The following DPYSL2 variants were observed in gnomAD, a reference collection of about 807,000 sequenced individuals.
The protein encoded by DPYSL2 is dihydropyrimidinase-related protein 2.
Under a neutral mutation model 69.9 loss-of-function variants are expected in DPYSL2, and 13 were observed. The ratio of observed to expected loss-of-function variants is 0.19; its 90% CI spans 0.12 to 0.30. The LOEUF (loss-of-function observed/expected upper bound fraction) is 0.30. Ranked by LOEUF, DPYSL2 falls within the 10% of genes least tolerant of loss-of-function variation. DPYSL2 has a pLI of 1.00. For synonymous variants in DPYSL2, 326 were observed against 359.1 expected (o/e 0.91, Z 1.04); for missense variants, 587 against 918.9 (o/e 0.64, Z 4.67).
chr8:26,626,777 G>GGAAA lies in DPYSL2; in HGVS notation c.855+99_855+100insGAAA. 7.8e-7 allele frequency: 1 copy of GGAAA among 1,289,172 alleles called. No individual in the cohort carries two copies. The highest frequency in any genetic ancestry group is 1.1e-6 in the Non-Finnish European group (1 of 906,356). The allele number at this position is 1,289,172 out of a possible 1,614,324, so 79.9% of individuals were successfully genotyped here. A position where few individuals can be genotyped will look rare whatever the true frequency, so the allele number is the denominator to read the frequency against. On this transcript the variant is annotated intron_variant, in intron 5 of 13. Coordinates refer to ENST00000521913, the MANE Select transcript of DPYSL2 (RefSeq NM_001197293.3). The surrounding 1 kb of genome is among the most constrained non-coding windows in gnomAD (Gnocchi z 4.3). ...GTCTCCGATGTATGCATGTTTCCTA[G>GGAAA]CTTCCTGGGAAGTGGCTGGTGGATG... is the stretch of plus-strand genomic sequence containing the variant.
At chr8:26,612,358 T>C (rs1457470531) in intron 3 of DPYSL2, among the ~76,000 whole-genome samples, 2 of 152,118 alleles carry the variant, frequency 1.3e-5, no homozygotes, top group African/African-American at 4.8e-5. Context: ...CCGTTTAAAA[T>C]AGGGGGAAAG....
chr8:26,625,211 G>T (rs1802587687), intron 4 of DPYSL2, among the ~76,000 whole-genome samples: 2 of 152,142 alleles, frequency 1.3e-5, no homozygotes, highest in Non-Finnish European at 2.9e-5. Context: ...AAATTTTATG[G>T]GTCTCAGTTT....
At chr8:26,625,296 TAAAAGAAA>T (rs1362267567) in intron 4 of DPYSL2, among the ~76,000 whole-genome samples, 1 of 152,218 alleles carries the variant, frequency 6.6e-6, no homozygotes. Context: ...AGCTTCCACA[TAAAAGAAA>T]ATAGGTAAAC....
chr8:26,514,818 C>A lies in DPYSL2; in HGVS notation c.354+139C>A, dbSNP rs1808248612. 1 of 792,614 alleles carries A rather than the reference C, an allele frequency of 1.3e-6. No individual in the cohort carries two copies. Among genetic ancestry groups the A allele is most frequent in the South Asian group, 2.5e-5 (1 of 40,658 alleles). The allele number at this position is 792,614 out of a possible 1,614,324, so 49.1% of individuals were successfully genotyped here. On this transcript the variant is annotated intron_variant, in intron 1 of 13. Coordinates refer to ENST00000521913, the MANE Select transcript of DPYSL2 (RefSeq NM_001197293.3). The surrounding 1 kb of genome is among the most constrained non-coding windows in gnomAD (Gnocchi z 8.4). Reference sequence around the variant, plus strand: ...CATCTGCACGCGCACCCCGCCCTACCCGCCCCTTCTCCGCGCAGGGTGCGG... The same window carrying A: ...CATCTGCACGCGCACCCCGCCCTACACGCCCCTTCTCCGCGCAGGGTGCGG...
Position 26,597,411 on chromosome 8 carries a change from T to C in DPYSL2, c.628+13428T>C, listed in dbSNP as rs529955429. Among the ~76,000 whole-genome samples, 1 of 152,322 alleles carries C rather than the reference T, an allele frequency of 6.6e-6. No homozygotes were observed. Among genetic ancestry groups the C allele is most frequent in the East Asian group, 1.9e-4 (1 of 5,188 alleles). On this transcript the variant is annotated intron_variant, in intron 3 of 13. Transcript: ENST00000521913. The surrounding 1 kb of genome is among the most constrained non-coding windows in gnomAD (Gnocchi z 5.2). Reference sequence around the variant, plus strand: ...CGCTTTGGCGTGGGCTTTTATGAGGTTCATTAGGCTCAGCACCTCCCATGT... The same window carrying C: ...CGCTTTGGCGTGGGCTTTTATGAGGCTCATTAGGCTCAGCACCTCCCATGT...
chr8:26,652,299 T>A lies in DPYSL2; in HGVS notation c.1639T>A (p.Ser547Thr). Reference protein sequence around the residue: ...NIFEGMECRGSPLVVISQGKI... With the variant: ...NIFEGMECRGTPLVVISQGKI... ...CTTTGAAGGCATGGAGTGCCGCGGCTCCCCACTGGTGGTCATCAGCCAGGG... is the reference window on the plus strand; with the variant it reads ...CTTTGAAGGCATGGAGTGCCGCGGCACCCCACTGGTGGTCATCAGCCAGGG... The change falls in exon 12 of 14, where the codon TCC (serine) becomes ACC (threonine). Residue 547 changes from serine to threonine, a missense_variant. Around this residue, in one of 3 missense-constraint regions of DPYSL2, gnomAD observed 452 missense variants for 754.3 expected, o/e 0.60. Transcript: ENST00000521913. The surrounding 1 kb of genome is among the most constrained non-coding windows in gnomAD (Gnocchi z 6.3). 2 of 1,614,096 alleles carry A rather than the reference T, an allele frequency of 1.2e-6. No individual in the cohort carries two copies. The highest frequency in any genetic ancestry group is 1.7e-6 in the Non-Finnish European group (2 of 1,180,008).
chr8:26,634,947 A>AG, intron 8 of DPYSL2, 47 bp downstream of exon 8: 1 of 1,608,102 alleles, frequency 6.2e-7, no homozygotes, highest in Non-Finnish European at 8.5e-7. Context: ...GGAGGTTTGG[A>AG]GGGGAGGGGG....
Position 26,560,751 on chromosome 8 carries a change from T to C in DPYSL2, c.355-21218T>C, listed in dbSNP as rs1322660239. On this transcript the variant is annotated intron_variant, in intron 1 of 13. Transcript: ENST00000521913. The surrounding 1 kb of genome is among the most constrained non-coding windows in gnomAD (Gnocchi z 4.4). ...TCACTAACATCCTCTGTCTTTGCAA[T>C]ATGTATAATTTTATCCTTTTAGTAA... Among the ~76,000 whole-genome samples, 1 of 152,252 alleles carries C rather than the reference T, an allele frequency of 6.6e-6. No homozygotes were observed. The highest frequency in any genetic ancestry group is 1.5e-5 in the Non-Finnish European group (1 of 68,044).
intron 3 of DPYSL2, among the ~76,000 whole-genome samples, chr8:26,595,083 C>T (rs60293234): frequency 0.014 from 2,180 of 151,974 alleles, 54 homozygotes; most frequent in African/African-American, 0.049. Flanking sequence ...ATTAGCTGGG[C>T]GTGGTGACAC....
intron 3 of DPYSL2, among the ~76,000 whole-genome samples, chr8:26,618,885 G>A (rs1035651640): frequency 6.6e-5 from 10 of 152,052 alleles, no homozygotes; most frequent in Non-Finnish European, 1.3e-4. Context: ...TCGAACCCAG[G>A]AGGCGGAGGT....
rs544844142 is a variant in DPYSL2, at chr8:26,626,547, C to T, written c.794-70C>T. The stretch of plus-strand genomic sequence containing the variant: ...CGTACACACACAGACAGTATTATCA[C>T]TTTCTTATCCCTTATTTGGTTATTT... On this transcript the variant is annotated intron_variant, in intron 4 of 13. Coordinates refer to ENST00000521913, the MANE Select transcript of DPYSL2 (RefSeq NM_001197293.3). The surrounding 1 kb of genome is among the most constrained non-coding windows in gnomAD (Gnocchi z 4.3). The T allele has an allele frequency of 4.2e-5, 59 of 1,403,810 alleles. No homozygotes were observed. The highest frequency in any genetic ancestry group is 5.3e-5 in the Non-Finnish European group (53 of 993,062). The allele number at this position is 1,403,810 out of a possible 1,614,324, so 87.0% of individuals were successfully genotyped here.
In DPYSL2 at chr8:26,647,263, G is replaced by GGT. The variant is rs765866946; in HGVS notation, c.1426-366_1426-365dup. On this transcript the variant is annotated intron_variant, in intron 10 of 13. Transcript: ENST00000521913. The surrounding 1 kb of genome is among the most constrained non-coding windows in gnomAD (Gnocchi z 5.1). ...GACACTGACAGTGTCACAATGTGTG[G>GGT]GTATAGCTCTAGGCTGTGTGGCCAC... Among the ~76,000 whole-genome samples, 9 of 152,128 alleles carry GGT rather than the reference G, an allele frequency of 5.9e-5. No homozygotes were observed. Among genetic ancestry groups the GGT allele is most frequent in the Non-Finnish European group, 8.8e-5 (6 of 68,024 alleles).
Position 26,583,857 on chromosome 8 carries a change from C to A in DPYSL2, c.502C>A (p.Arg168=). The change falls in exon 3 of 14, where the codon CGG becomes AGG. Residue 168 remains arginine, a synonymous_variant. Transcript: ENST00000521913. ...AGTGAAGACCATCGAGGCCCACTCC[C>A]GGATGGTGATCCCCGGAGGAATTGA... ...GGVKTIEAHS[R]MVIPGGIDVH... is the part of the protein sequence containing the mutation. The A allele has an allele frequency of 6.2e-7, 1 of 1,614,130 alleles. No individual in the cohort carries two copies. Among genetic ancestry groups the A allele is most frequent in the Non-Finnish European group, 8.5e-7 (1 of 1,179,998 alleles).
At chr8:26,629,783 C>T (rs748155398) in intron 7 of DPYSL2, among the ~76,000 whole-genome samples, 5 of 152,128 alleles carry the variant, frequency 3.3e-5, no homozygotes, top group African/African-American at 4.8e-5. Context: ...TTCTGGAGAA[C>T]GGGGTCTCAC....
Position 26,580,060 on chromosome 8 carries a change from C to T in DPYSL2, c.355-1909C>T, listed in dbSNP as rs776492002. On this transcript the variant is annotated intron_variant, in intron 1 of 13. Coordinates refer to ENST00000521913, the MANE Select transcript of DPYSL2 (RefSeq NM_001197293.3). This position sits in a 1 kb window ranked among gnomAD's most constrained non-coding sequence, Gnocchi z 4.1. ...TGGCAGCCTCTTATGTAAGAGCCTTCTGGAAGGCACTAGAGTGAACGGGGG... is the reference window on the plus strand; with the variant it reads ...TGGCAGCCTCTTATGTAAGAGCCTTTTGGAAGGCACTAGAGTGAACGGGGG... Among the ~76,000 whole-genome samples, 1 of 150,890 alleles carries T rather than the reference C, an allele frequency of 6.6e-6. No homozygotes were observed. Among genetic ancestry groups the T allele is most frequent in the Non-Finnish European group, 1.5e-5 (1 of 67,892 alleles).
chr8:26,515,592 A>G (rs1164123389), intron 1 of DPYSL2, among the ~76,000 whole-genome samples: 4 of 152,248 alleles, frequency 2.6e-5, no homozygotes, highest in Non-Finnish European at 5.9e-5. Context: ...CTTTCTGACA[A>G]ATATGAACAG....
chr8:26,564,105 T>C lies in DPYSL2; in HGVS notation c.355-17864T>C, dbSNP rs565493980. Among the ~76,000 whole-genome samples the C allele has an allele frequency of 1.3e-5, 2 of 152,224 alleles. No homozygotes were observed. The highest frequency in any genetic ancestry group is 4.2e-4 in the South Asian group (2 of 4,816). On this transcript the variant is annotated intron_variant, in intron 1 of 13. Coordinates refer to ENST00000521913, the MANE Select transcript of DPYSL2 (RefSeq NM_001197293.3). This position sits in a 1 kb window ranked among gnomAD's most constrained non-coding sequence, Gnocchi z 4.8. Reference sequence around the variant, plus strand: ...GGAGGGGAATTTGGAAGAAAAAAGGTAGAGGCAATAATGTTAAGTATCACA... The same window carrying C: ...GGAGGGGAATTTGGAAGAAAAAAGGCAGAGGCAATAATGTTAAGTATCACA...
At position 26,655,631 on chromosome 8, in the gene DPYSL2, C is replaced by T. The variant is rs147699216; in HGVS notation, c.1959C>T (p.Asp653=). The T allele has an allele frequency of 7.9e-4, 1,268 of 1,609,696 alleles. 3 individuals are homozygous for T. Among genetic ancestry groups the T allele is most frequent in the Non-Finnish European group, 1.0e-3 (1,218 of 1,178,354 alleles). The change falls in exon 14 of 14, where the codon GAC becomes GAT. Residue 653 remains aspartate, a synonymous_variant. Coordinates refer to ENST00000521913, the MANE Select transcript of DPYSL2 (RefSeq NM_001197293.3). ...TCCCTCCAGGTGCTCAGATTGATGACAACATTCCCCGCCGCACCACCCAGC... is the reference window on the plus strand; with the variant it reads ...TCCCTCCAGGTGCTCAGATTGATGATAACATTCCCCGCCGCACCACCCAGC... ...GFSLSGAQID[D]NIPRRTTQRI... is the part of the protein sequence containing the mutation.
rs546293771 is a variant in DPYSL2, at chr8:26,651,749, G to A, written c.1597-508G>A. Among the ~76,000 whole-genome samples, 48 of 152,256 alleles carry A rather than the reference G, an allele frequency of 3.2e-4. 1 individual carries two copies. In the South Asian group the frequency reaches 7.9e-3, roughly 25 times the overall value. On this transcript the variant is annotated intron_variant, in intron 11 of 13. Coordinates refer to ENST00000521913, the MANE Select transcript of DPYSL2 (RefSeq NM_001197293.3). ...TTAACTAGCCCTCAATCATTTTATC[G>A]GAGGCATGTCTCTTCAGTGACCACA...
Sources: allele counts gnomAD v4.1 joint callset (sites outside exome capture counted in the v4.1 genomes callset), GRCh38; gene constraint gnomAD v4.1.1; regional missense constraint gnomAD v4.1.1; non-coding constraint Gnocchi (gnomAD v3.1); transcripts MANE v1.5; gene names NCBI Gene and HGNC (gene_info 2026-07-23, HGNC 2026-07-21).